The following ARHGAP21 variants were observed in gnomAD, a reference collection of about 807,000 sequenced individuals.
ARHGAP21 encodes the protein rho GTPase-activating protein 21.
A neutral mutation model predicts 164.6 loss-of-function variants in ARHGAP21; 38 were observed. That is an observed-to-expected ratio of 0.23 (90% CI 0.18 to 0.30). ARHGAP21 has a LOEUF of 0.30. Ranked by LOEUF, ARHGAP21 falls within the 10% of genes least tolerant of loss-of-function variation. The probability of loss-of-function intolerance (pLI) is 1.00; values close to 1 mark genes in which losing one functional copy is unlikely to be tolerated. For synonymous variants in ARHGAP21, 766 were observed against 857.9 expected, an observed-to-expected ratio of 0.89 and a Z score of 1.87; for missense variants, 1,822 against 2,370.7, an observed-to-expected ratio of 0.77 and a Z score of 4.81.
intron 16 of ARHGAP21, 136 bp downstream of exon 16, chr10:24,597,311 G>T: frequency 8.4e-7 from 1 of 1,195,156 alleles, no homozygotes; most frequent in Non-Finnish European, 1.1e-6. Context: ...AATGAGCCCA[G>T]ACCAAGCCTA....
At chr10:24,656,051 C>T (rs1464638156) in intron 4 of ARHGAP21, among the ~76,000 whole-genome samples, 206 of 134,572 alleles carry the variant, frequency 1.5e-3, no homozygotes, top group African/African-American at 2.9e-3. Flanking sequence ...GGAGCCCCTC[C>T]GCCCGGCAGC....
intron 1 of ARHGAP21, chr10:24,722,725 G>T (rs1846051382): frequency 6.6e-6 from 1 of 151,860 alleles, no homozygotes; most frequent in South Asian, 2.1e-4. Flanking sequence ...TGGGGCCGGC[G>T]TGGGCTCGGC....
At chr10:24,697,887 A>AAAAAAATAG (rs59255790) in intron 2 of ARHGAP21, among the ~76,000 whole-genome samples, 2 of 152,136 alleles carry the variant, frequency 1.3e-5, no homozygotes, top group East Asian at 3.9e-4. Context: ...AAAAAAAATA[A>AAAAAAATAG]AAAAACCCGA....
intron 2 of ARHGAP21, among the ~76,000 whole-genome samples, chr10:24,676,341 G>A (rs988681086): frequency 6.6e-6 from 1 of 152,188 alleles, no homozygotes; most frequent in African/African-American, 2.4e-5. Context: ...TTACAAAAGT[G>A]TACTGCATTA....
chr10:24,633,455 T>A lies in ARHGAP21; in HGVS notation c.387A>T (p.Gly129=), dbSNP rs1287704316. 1.9e-6 allele frequency: 3 copies of A among 1,611,420 alleles called. No homozygotes were observed. The highest frequency in any genetic ancestry group is 2.5e-6 in the Non-Finnish European group (3 of 1,178,760). ...AATAGGTTTTGCCAATAACACTTTC[T>A]CCATTGACTTTTATAATTCGGTCAC... is the stretch of plus-strand genomic sequence containing the variant. The part of the protein sequence containing the change: ...CTGDRIIKVN[G]ESVIGKTYSQ... Residue 129 remains glycine (G), a synonymous_variant, in exon 6 of 26, where the codon GGA becomes GGT. Transcript: ENST00000396432.
intron 14 of ARHGAP21, 142 bp downstream of exon 14, chr10:24,600,504 A>T: frequency 9.6e-7 from 1 of 1,036,568 alleles, no homozygotes; most frequent in Non-Finnish European, 1.4e-6. Context: ...GGTATGTTTG[A>T]GTTTTCCTTT....
At chr10:24,602,831 T>C (rs569478247) in intron 12 of ARHGAP21, among the ~76,000 whole-genome samples, 1 of 152,080 alleles carries the variant, frequency 6.6e-6, no homozygotes, top group South Asian at 2.1e-4. Flanking sequence ...GTAGTATAGG[T>C]GAAGACGGGA....
chr10:24,656,333 G>A (rs1353195690), intron 4 of ARHGAP21, among the ~76,000 whole-genome samples: 2 of 105,276 alleles, frequency 1.9e-5, no homozygotes, highest in African/African-American at 8.2e-5. Context: ...CCGTCCGGGA[G>A]GGAGATGGGG....
Position 24,596,563 on chromosome 10 carries a change from T to C in ARHGAP21, c.3477+177A>G, listed in dbSNP as rs150770944. 2.6e-3 allele frequency: 1,987 copies of C among 750,246 alleles called. 6 individuals carry two copies. In the Middle Eastern group the frequency reaches 0.027, roughly 10 times the overall value. 46.5% of individuals were successfully genotyped at this position (750,246 alleles called of 1,614,324 possible). ...GTTGAATAATTATTCAATTTCGGAG[T>C]CAATACATTAGAAAAAAAGCATTAC... On this transcript the variant is annotated intron_variant, in intron 17 of 25. Coordinates refer to ENST00000396432, the MANE Select transcript of ARHGAP21 (RefSeq NM_020824.4).
chr10:24,705,488 T>G (rs915228131), intron 2 of ARHGAP21, among the ~76,000 whole-genome samples: 1 of 152,104 alleles, frequency 6.6e-6, no homozygotes. Context: ...CATTCCAGAA[T>G]AGAGAAAACA....
intron 2 of ARHGAP21, among the ~76,000 whole-genome samples, chr10:24,670,830 T>C (rs1840628087): frequency 6.6e-6 from 1 of 152,118 alleles, no homozygotes; most frequent in Admixed American, 6.5e-5. Context: ...ACAAAGGACA[T>C]TAGAAAATAA....
At chr10:24,659,202 T>C (rs1839417513) in intron 4 of ARHGAP21, among the ~76,000 whole-genome samples, 1 of 152,170 alleles carries the variant, frequency 6.6e-6, no homozygotes, top group South Asian at 2.1e-4. Context: ...CCTCCAAAAA[T>C]TGAAAACAAG....
intron 2 of ARHGAP21, among the ~76,000 whole-genome samples, chr10:24,712,105 AG>A (rs1844890918): frequency 6.6e-6 from 1 of 152,032 alleles, no homozygotes; most frequent in African/African-American, 2.4e-5. Flanking sequence ...TAGCAGAGAT[AG>A]GGTTTTGCCA....
intron 7 of ARHGAP21, chr10:24,628,968 ATATATATATATATATTTTTTTTTT>A (rs1835519723): frequency 7.5e-5 from 1 of 13,408 alleles, no homozygotes; most frequent in African/African-American, 5.0e-4. Flanking sequence ...ATATATATAT[ATATATATATATATATTTTTTTTTT>A]TTTTTTTTTT....
chr10:24,678,163 C>T (rs7070456), intron 2 of ARHGAP21, among the ~76,000 whole-genome samples: 78,943 of 151,866 alleles, frequency 0.52, 20,631 homozygotes, highest in Middle Eastern at 0.57. Context: ...GTAATCTTTA[C>T]GCAATTTCCT....
chr10:24,713,490 G>GA (rs907195573), intron 2 of ARHGAP21, among the ~76,000 whole-genome samples: 3 of 151,886 alleles, frequency 2.0e-5, no homozygotes, highest in Admixed American at 6.6e-5. Context: ...TACTTACCCC[G>GA]AAACAGATGA....
chr10:24,721,008 GT>G (rs1845872021), intron 2 of ARHGAP21, among the ~76,000 whole-genome samples: 1 of 151,524 alleles, frequency 6.6e-6, no homozygotes, highest in Non-Finnish European at 1.5e-5. Context: ...AAAAAAAAAG[GT>G]GAGAGGCAAC....
At chr10:24,590,472 C>CA in intron 24 of ARHGAP21, 1 of 1,535,266 alleles carries the variant, frequency 6.5e-7, no homozygotes, top group Non-Finnish European at 8.7e-7. Context: ...AGACTCCTCC[C>CA]ACTTCGCCTG....
chr10:24,586,370 CTG>C (rs991973795), intron 25 of ARHGAP21, among the ~76,000 whole-genome samples: 2 of 152,142 alleles, frequency 1.3e-5, no homozygotes, highest in African/African-American at 4.8e-5. Context: ...GGAAAATAGT[CTG>C]TGCTTAGTGC....
Sources: gnomAD v4.1 joint callset for allele counts (sites outside exome capture counted in the v4.1 genomes callset) on GRCh38, gnomAD v4.1.1 for gene constraint, MANE v1.5 for transcripts, NCBI Gene and HGNC (gene_info 2026-07-23, HGNC 2026-07-21) for gene names.